Variants in PPP1R1C observed in about 807,000 individuals in gnomAD.
The protein encoded by PPP1R1C is protein phosphatase 1 regulatory inhibitor subunit 1C.
Under a neutral mutation model 17.4 loss-of-function variants are expected in PPP1R1C, and 15 were observed. The observed-to-expected ratio is 0.86, with a 90% CI of 0.58 to 1.33. PPP1R1C has a LOEUF of 1.33. Ranked by LOEUF, PPP1R1C falls within the 40% of genes most tolerant of loss-of-function variation. The pLI is 0.00. For synonymous variants in PPP1R1C, 35 were observed against 43.1 expected, an observed-to-expected ratio of 0.81 and a Z score of 0.73; for missense variants, 143 against 130.0, an observed-to-expected ratio of 1.10 and a Z score of -0.48.
chr2:182,078,408 C>G (rs1039949173), intron 4 of PPP1R1C, among the ~76,000 whole-genome samples: 1 of 152,078 alleles, frequency 6.6e-6, no homozygotes. Flanking sequence ...CCAAAGTGAG[C>G]TTCATGAGTC....
Position 182,094,941 on chromosome 2 carries a change from G to T in PPP1R1C, c.242-22266G>T, listed in dbSNP as rs112181873. On this transcript the variant is annotated intron_variant, in intron 4 of 4. Transcript: ENST00000682840. Reference sequence around the variant, plus strand: ...CAATGTATCCCCATTGTAAGCCAAGGAGTATCTATGTATAGATCAAAGGTC... The same window carrying T: ...CAATGTATCCCCATTGTAAGCCAAGTAGTATCTATGTATAGATCAAAGGTC... Among the ~76,000 whole-genome samples, 120 of 152,264 alleles carry T rather than the reference G, an allele frequency of 7.9e-4. 1 individual carries two copies. The highest frequency in any genetic ancestry group is 3.4e-3 in the Middle Eastern group (1 of 294).
rs137933252 is a variant in PPP1R1C at position 181,963,141 on chromosome 2, A to G, written n.111+8507A>G. ...TTTGATCTGATGAAATACAATACAA[A>G]CATTATCTAACAATTCCGTTTGATA... is the stretch of plus-strand genomic sequence containing the variant. On this transcript the variant is annotated intron_variant and non_coding_transcript_variant, in intron 1 of 5. Coordinates refer to the PPP1R1C transcript ENST00000464264. Among the ~76,000 whole-genome samples, 154 of 152,322 alleles carry G rather than the reference A, an allele frequency of 1.0e-3. 2 individuals are homozygous for G. The East Asian group carries it at 0.026, about 25-fold the overall frequency.
At chr2:182,092,075 A>G (rs1688796848) in intron 4 of PPP1R1C, among the ~76,000 whole-genome samples, 1 of 152,202 alleles carries the variant, frequency 6.6e-6, no homozygotes, top group Non-Finnish European at 1.5e-5. Context: ...ATTAAGCTGC[A>G]TGGAAGGAGG....
At chr2:182,091,911 T>C (rs1688792815) in intron 4 of PPP1R1C, among the ~76,000 whole-genome samples, 1 of 152,204 alleles carries the variant, frequency 6.6e-6, no homozygotes, top group Non-Finnish European at 1.5e-5. Flanking sequence ...AGTTTACAGA[T>C]CTTTGTCTTT....
intron 4 of PPP1R1C, among the ~76,000 whole-genome samples, chr2:182,110,275 T>C (rs1400850396): frequency 1.4e-5 from 2 of 142,188 alleles, no homozygotes; most frequent in African/African-American, 5.6e-5. Context: ...ATAAGGTTCA[T>C]TATTAAAATA....
chr2:182,124,046 G>T (rs1559102834), intron 5 of PPP1R1C, among the ~76,000 whole-genome samples: 2 of 152,120 alleles, frequency 1.3e-5, no homozygotes, highest in Non-Finnish European at 2.9e-5. Context: ...TTTAAGGAAG[G>T]GGTCCAGTTT....
chr2:182,096,747 G>A (rs1379163893), intron 4 of PPP1R1C, among the ~76,000 whole-genome samples: 1 of 151,956 alleles, frequency 6.6e-6, no homozygotes, highest in African/African-American at 2.4e-5. Context: ...TTCTCTTTCC[G>A]CAAAACCCTG....
intron 2 of PPP1R1C, among the ~76,000 whole-genome samples, chr2:182,010,738 A>G (rs143558296): frequency 1.5e-4 from 23 of 152,182 alleles, no homozygotes; most frequent in African/African-American, 5.3e-4. Flanking sequence ...TCCCCCATTC[A>G]GTATGATACT....
chr2:182,011,570 T>C (rs1196619483), intron 2 of PPP1R1C, among the ~76,000 whole-genome samples: 1 of 152,050 alleles, frequency 6.6e-6, no homozygotes, highest in African/African-American at 2.4e-5. Context: ...CAACTTTTCA[T>C]TTCATTGATT....
At chr2:182,116,022 T>C (rs181268763) in intron 4 of PPP1R1C, among the ~76,000 whole-genome samples, 133 of 152,310 alleles carry the variant, frequency 8.7e-4, no homozygotes, top group Non-Finnish European at 1.4e-3. Flanking sequence ...TCTGATATCT[T>C]AACAGAATAG....
intron 4 of PPP1R1C, among the ~76,000 whole-genome samples, chr2:182,090,817 A>T (rs1688759597): frequency 6.6e-6 from 1 of 152,208 alleles, no homozygotes; most frequent in African/African-American, 2.4e-5. Flanking sequence ...AAAGAAAAGA[A>T]ACCAAATTCT....
intron 2 of PPP1R1C, among the ~76,000 whole-genome samples, chr2:182,035,700 G>A (rs1215478101): frequency 2.0e-5 from 3 of 152,078 alleles, no homozygotes; most frequent in African/African-American, 4.8e-5. Flanking sequence ...AGATGCACTT[G>A]CTACCCCTTT....
intron 2 of PPP1R1C, among the ~76,000 whole-genome samples, chr2:181,975,654 TTTA>T (rs1685081989): frequency 6.6e-6 from 1 of 151,794 alleles, no homozygotes; most frequent in Non-Finnish European, 1.5e-5. Context: ...TATTTTTTAT[TTTA>T]TTATTATTAT....
chr2:182,005,785 A>G (rs1033005858), intron 2 of PPP1R1C, among the ~76,000 whole-genome samples: 1 of 152,206 alleles, frequency 6.6e-6, no homozygotes, highest in Non-Finnish European at 1.5e-5. Flanking sequence ...GAAGAGGTTA[A>G]CGTTGGAACC....
At chr2:182,025,141 T>A (rs988659652) in intron 2 of PPP1R1C, among the ~76,000 whole-genome samples, 1 of 149,298 alleles carries the variant, frequency 6.7e-6, no homozygotes, top group African/African-American at 2.4e-5. Context: ...GTAAATTGTT[T>A]CTCTTTCTCT....
At chr2:182,046,564 CAAAAA>C (rs146696724) in intron 2 of PPP1R1C, among the ~76,000 whole-genome samples, 1 of 119,122 alleles carries the variant, frequency 8.4e-6, no homozygotes, top group Non-Finnish European at 1.8e-5. Flanking sequence ...CGTCTCTACT[CAAAAA>C]AAAAAAAAAA....
At chr2:182,121,504 T>A (rs1039917381), downstream of PPP1R1C, among the ~76,000 whole-genome samples, 7 of 152,200 alleles carry the variant, frequency 4.6e-5, no homozygotes, top group Admixed American at 1.3e-4. Flanking sequence ...TTATTTATTT[T>A]TTGAGATGGA....
chr2:182,069,985 C>T (rs555825486), intron 4 of PPP1R1C, among the ~76,000 whole-genome samples: 2 of 152,290 alleles, frequency 1.3e-5, no homozygotes, highest in South Asian at 2.1e-4. Flanking sequence ...GGGGTGGATG[C>T]AGAGGTGAAA....
upstream of PPP1R1C, among the ~76,000 whole-genome samples, chr2:181,980,926 AG>A (rs1297318638): frequency 1.4e-5 from 2 of 148,036 alleles, no homozygotes; most frequent in South Asian, 2.1e-4. Flanking sequence ...AATAAGGAGA[AG>A]TTTTTTTTTT....
Sources: allele counts gnomAD v4.1 joint callset (sites outside exome capture counted in the v4.1 genomes callset), GRCh38; gene constraint gnomAD v4.1.1; transcripts MANE v1.5; gene names NCBI Gene and HGNC (gene_info 2026-07-23, HGNC 2026-07-21).